RRAGB: variants seen among roughly 807,000 people sequenced by gnomAD.
RRAGB encodes Ras related GTP binding B.
In RRAGB, 6 loss-of-function variants were observed where a neutral mutation model predicts 29.3. That is an observed-to-expected ratio of 0.21 (90% CI 0.11 to 0.40). The LOEUF (loss-of-function observed/expected upper bound fraction) is 0.40, where lower values mean the gene tolerates loss of function less well. Ranked by LOEUF, RRAGB falls within the 10% of genes least tolerant of loss-of-function variation. The pLI is 1.00. For missense variants in RRAGB, 184 were observed against 272.9 expected, an observed-to-expected ratio of 0.67 and a Z score of 2.29; for synonymous variants, 101 against 92.5, an observed-to-expected ratio of 1.09 and a Z score of -0.53.
chrX:55,755,332 G>A, intron 7 of RRAGB: 4 of 752,491 alleles, frequency 5.3e-6, no homozygotes, highest in Non-Finnish European at 6.3e-6. Context: ...TGGTGTGGGT[G>A]TCCATCCTGA....
At chrX:55,753,008 A>G (rs1213646781) in intron 6 of RRAGB, among the ~76,000 whole-genome samples, 2 of 111,817 alleles carry the variant, frequency 1.8e-5, no homozygotes, top group African/African-American at 6.5e-5. Context: ...TCTGATCTTT[A>G]GAGAAATCTA....
At chrX:55,755,028 TC>T in intron 7 of RRAGB, 5 of 692,457 alleles carry the variant, frequency 7.2e-6, no homozygotes, top group Non-Finnish European at 8.6e-6. Context: ...AGCTCCCTGT[TC>T]CTTACTAATA....
At chrX:55,747,921 G>A (rs1322951693) in intron 5 of RRAGB, among the ~76,000 whole-genome samples, 4 of 107,879 alleles carry the variant, frequency 3.7e-5, no homozygotes, top group African/African-American at 1.3e-4. Context: ...ATGCCGAGCC[G>A]AAGCTGGACT....
chrX:55,752,938 G>C (rs1303537043), intron 6 of RRAGB, among the ~76,000 whole-genome samples: 6 of 111,505 alleles, frequency 5.4e-5, no homozygotes, highest in Non-Finnish European at 1.1e-4. Context: ...TTGTCTATGT[G>C]GCTCTGCTAC....
At chrX:55,756,436 G>A (rs910091571) in intron 8 of RRAGB, among the ~76,000 whole-genome samples, 9 of 111,713 alleles carry the variant, frequency 8.1e-5, no homozygotes, top group African/African-American at 2.0e-4. Flanking sequence ...AGGAATGGCC[G>A]AACATCATAA....
At chrX:55,732,591 A>G (rs183839393) in intron 5 of RRAGB, among the ~76,000 whole-genome samples, 1 of 111,882 alleles carries the variant, frequency 8.9e-6, no homozygotes, top group Admixed American at 9.4e-5. Context: ...TTTGGTATTT[A>G]TAGGTTAGCT....
intron 4 of RRAGB, among the ~76,000 whole-genome samples, chrX:55,729,620 G>A (rs1325763491): frequency 9.0e-6 from 1 of 111,273 alleles, no homozygotes; most frequent in Non-Finnish European, 1.9e-5. Flanking sequence ...ATCCCCTTTC[G>A]TGGAGGAATA....
chrX:55,732,979 T>A (rs184434447), intron 5 of RRAGB, among the ~76,000 whole-genome samples: 75 of 111,567 alleles, frequency 6.7e-4, no homozygotes, highest in African/African-American at 2.4e-3. Context: ...TTTATTTTAT[T>A]ATTTCAGTAA....
intron 9 of RRAGB, among the ~76,000 whole-genome samples, chrX:55,757,833 GA>G (rs749568838): frequency 3.6e-5 from 4 of 111,595 alleles, no homozygotes; most frequent in Non-Finnish European, 7.5e-5. Context: ...TTATGGGCAT[GA>G]AGGGGTGTTT....
At chrX:55,730,078 T>G (rs985725499) in intron 4 of RRAGB, among the ~76,000 whole-genome samples, 1 of 112,217 alleles carries the variant, frequency 8.9e-6, no homozygotes, top group Non-Finnish European at 1.9e-5. Flanking sequence ...CTCATAGGGT[T>G]GTTTTGATGA....
At chrX:55,722,915 C>T (rs2033335957) in intron 3 of RRAGB, among the ~76,000 whole-genome samples, 1 of 111,400 alleles carries the variant, frequency 9.0e-6, no homozygotes, top group Admixed American at 9.6e-5. Context: ...ACTGCCATTT[C>T]ATTCTGCAGC....
intron 5 of RRAGB, among the ~76,000 whole-genome samples, chrX:55,749,596 G>A (rs2147120742): frequency 9.0e-6 from 1 of 111,190 alleles, no homozygotes; most frequent in East Asian, 2.9e-4. Context: ...ATAGAAAGGG[G>A]TGAAAGGTGG....
chrX:55,733,348 C>T (rs1342421764), intron 5 of RRAGB, among the ~76,000 whole-genome samples: 1 of 112,066 alleles, frequency 8.9e-6, no homozygotes, highest in Admixed American at 9.4e-5. Context: ...GTTGAATAGA[C>T]GTGTTGAAAG....
intron 5 of RRAGB, among the ~76,000 whole-genome samples, chrX:55,748,688 G>A (rs1293086113): frequency 8.9e-6 from 1 of 111,937 alleles, no homozygotes; most frequent in African/African-American, 3.2e-5. Context: ...ACCCCGTCTG[G>A]GAAGTGAGGA....
At chrX:55,748,961 G>A (rs1421229853) in intron 5 of RRAGB, among the ~76,000 whole-genome samples, 1 of 90,276 alleles carries the variant, frequency 1.1e-5, no homozygotes, top group Non-Finnish European at 2.2e-5. Flanking sequence ...GAGGGAGGTG[G>A]GGGAGTCAGC....
intron 5 of RRAGB, among the ~76,000 whole-genome samples, chrX:55,748,066 C>T (rs7892139): frequency 0.33 from 36,721 of 111,780 alleles, 4,657 homozygotes; most frequent in Middle Eastern, 0.48. Context: ...GACAGGGTTT[C>T]GCTGTGTTGG....
chrX:55,726,148 T>C (rs1015223102), intron 3 of RRAGB, among the ~76,000 whole-genome samples: 10 of 25,900 alleles, frequency 3.9e-4, no homozygotes, highest in Non-Finnish European at 1.9e-3. Context: ...TTAAGGAAAA[T>C]GTTAAAAAAA....
intron 7 of RRAGB, among the ~76,000 whole-genome samples, chrX:55,753,918 G>C (rs1315168457): frequency 8.9e-6 from 1 of 111,841 alleles, no homozygotes; most frequent in Non-Finnish European, 1.9e-5. Context: ...GGTGACGCAT[G>C]CCTATAATCC....
chrX:55,719,713 G>A (rs1157858315), intron 2 of RRAGB, among the ~76,000 whole-genome samples: 2 of 111,869 alleles, frequency 1.8e-5, no homozygotes, highest in Non-Finnish European at 3.8e-5. Flanking sequence ...CTTTGTGTAA[G>A]CCATATACAC....
Sources: gnomAD v4.1 joint callset for allele counts (sites outside exome capture counted in the v4.1 genomes callset) on GRCh38, gnomAD v4.1.1 for gene constraint, MANE v1.5 for transcripts, NCBI Gene and HGNC (gene_info 2026-07-23, HGNC 2026-07-21) for gene names.